The following DHRSX variants were observed in gnomAD, a reference collection of about 807,000 sequenced individuals.
DHRSX encodes dehydrogenase/reductase X-linked, also known as polyprenol dehydrogenase.
DHRSX carries 31 observed loss-of-function variants against 34.0 expected under a neutral mutation model. The observed-to-expected ratio is 0.91, with a 90% CI of 0.69 to 1.23. The LOEUF (loss-of-function observed/expected upper bound fraction) is 1.23. DHRSX is among the 50% of genes most tolerant of loss of function. DHRSX has a pLI of 0.00. For missense variants in DHRSX, 414 were observed against 428.1 expected (o/e 0.97, Z 0.29); for synonymous variants, 201 against 183.8 (o/e 1.09, Z -0.76).
chrX:2,232,550 T>C (rs947866956), intron 6 of DHRSX, among the ~76,000 whole-genome samples: 16 of 152,062 alleles, frequency 1.1e-4, no homozygotes, highest in Admixed American at 3.3e-4. Context: ...TCAGTGGATC[T>C]TAGGAGGCCC....
chrX:2,481,390 T>G lies in DHRSX; in HGVS notation c.109+19427A>C, dbSNP rs1275873124. Among the ~76,000 whole-genome samples, 634 of 151,788 alleles carry G rather than the reference T, an allele frequency of 4.2e-3. 4 individuals carry two copies. The highest frequency in any genetic ancestry group is 0.014 in the African/African-American group (571 of 41,172). The stretch of plus-strand genomic sequence containing the variant: ...TCAAGGTGTATCCACACTGGGCTGG[T>G]CGCGGTGGCTCACGCCTGTCATCCC... On this transcript the variant is annotated intron_variant, in intron 1 of 6. Coordinates refer to ENST00000334651, the MANE Select transcript of DHRSX (RefSeq NM_145177.3).
chrX:2,485,979 G>A (rs2044916388), intron 1 of DHRSX, among the ~76,000 whole-genome samples: 1 of 151,696 alleles, frequency 6.6e-6, no homozygotes, highest in African/African-American at 2.4e-5. Context: ...TTGGACGGAA[G>A]GAGGAGGGAA....
chrX:2,476,793 C>A (rs1448322445), intron 1 of DHRSX, among the ~76,000 whole-genome samples: 3 of 152,090 alleles, frequency 2.0e-5, no homozygotes, highest in African/African-American at 7.2e-5. Context: ...TACCTGAGGT[C>A]GGGAGTTCAA....
intron 3 of DHRSX, among the ~76,000 whole-genome samples, chrX:2,366,182 C>T (rs183810028): frequency 0.023 from 3,507 of 152,176 alleles, 141 homozygotes; most frequent in African/African-American, 0.079. Flanking sequence ...TGGCACACAC[C>T]TTTAATCCCA....
At chrX:2,344,499 G>A (rs1290503354) in intron 3 of DHRSX, among the ~76,000 whole-genome samples, 3 of 152,046 alleles carry the variant, frequency 2.0e-5, no homozygotes, top group Non-Finnish European at 4.4e-5. Context: ...TAAAGAAAAT[G>A]TGGTACACAG....
chrX:2,472,368 T>C (rs2044606421), intron 1 of DHRSX, among the ~76,000 whole-genome samples: 1 of 152,066 alleles, frequency 6.6e-6, no homozygotes, highest in African/African-American at 2.4e-5. Context: ...AAAAACTACC[T>C]ATCAGATGGT....
intron 6 of DHRSX, among the ~76,000 whole-genome samples, chrX:2,226,366 C>A (rs1198372725): frequency 6.6e-6 from 1 of 152,104 alleles, no homozygotes; most frequent in Non-Finnish European, 1.5e-5. Context: ...ATTCAGTCTG[C>A]CCCACAGCTC....
chrX:2,376,592 G>A lies in DHRSX; in HGVS notation c.286+32153C>T, dbSNP rs2043142731. 1.5e-5 allele frequency among the ~76,000 whole-genome samples: 2 copies of A among 137,298 alleles called. 1 individual carries two copies. Among genetic ancestry groups the A allele is most frequent in the African/African-American group, 4.9e-5 (2 of 40,520 alleles). The allele number at this position is 137,298 out of a possible 152,430, so 90.1% of individuals were successfully genotyped here. ...ATATCAGATCTTTGCATACAATTAGGTTGCACTAGAGTAGTGTCATTGCAT... is the reference window on the plus strand; with the variant it reads ...ATATCAGATCTTTGCATACAATTAGATTGCACTAGAGTAGTGTCATTGCAT... On this transcript the variant is annotated intron_variant, in intron 3 of 6. Transcript: ENST00000334651.
In DHRSX at chrX:2,243,101, C is replaced by T. The variant is rs775456958; in HGVS notation, c.726G>A (p.Val242=). 6 of 1,613,764 alleles carry T rather than the reference C, an allele frequency of 3.7e-6. No individual in the cohort carries two copies. In the Admixed American group the frequency reaches 8.3e-5, roughly 22 times the overall value. The part of the protein sequence containing the change: ...HVTANVVDPG[V]VNTDVYKHVF... ...CGTGCTTGTAGACGTCCGTGTTGACCACCCCGGGGTCCACCACGTTGGCGG... is the reference window on the plus strand; with the variant it reads ...CGTGCTTGTAGACGTCCGTGTTGACTACCCCGGGGTCCACCACGTTGGCGG... The change falls in exon 6 of 7, where the codon GTG becomes GTA. Residue 242 remains valine, a synonymous_variant. Transcript: ENST00000334651.
At chrX:2,346,562 A>C (rs67152939) in intron 3 of DHRSX, among the ~76,000 whole-genome samples, 45,436 of 151,518 alleles carry the variant, frequency 0.3, 7,595 homozygotes, top group Middle Eastern at 0.4. Context: ...GCTTCTTCTC[A>C]CAGCAAATCT....
chrX:2,264,953 C>G (rs1480609534), intron 5 of DHRSX, among the ~76,000 whole-genome samples: 1 of 125,934 alleles, frequency 7.9e-6, no homozygotes, highest in African/African-American at 3.5e-5. Context: ...CCAGGGAGCA[C>G]CGTAGCCAGA....
At chrX:2,298,601 T>TACACACACACACACACACACACGCAC (rs2041964173) in intron 3 of DHRSX, among the ~76,000 whole-genome samples, 1 of 131,758 alleles carries the variant, frequency 7.6e-6, no homozygotes, top group African/African-American at 4.1e-5. Context: ...GGCGCGTGTG[T>TACACACACACACACACACACACGCAC]ACACACACAC....
In DHRSX at chrX:2,270,893, A is replaced by ATAAAATGGACCAATCAGCACTCTG. The variant is rs1199518102; in HGVS notation, c.389-3970_389-3947dup. On this transcript the variant is annotated intron_variant, in intron 4 of 6. Coordinates refer to ENST00000334651, the MANE Select transcript of DHRSX (RefSeq NM_145177.3). ...TGTAAAATGGACCAATCAATGCTCT[A>ATAAAATGGACCAATCAGCACTCTG]TAAAATGGACCAATCAGCACTCTGT... 6.0e-3 allele frequency among the ~76,000 whole-genome samples: 673 copies of ATAAAATGGACCAATCAGCACTCTG among 112,838 alleles called. 120 individuals carry two copies. The highest frequency in any genetic ancestry group is 0.019 in the African/African-American group (631 of 32,750). 74.0% of individuals were successfully genotyped at this position (112,838 alleles called of 152,430 possible). A position where few individuals can be genotyped will look rare whatever the true frequency, so the allele number is the denominator to read the frequency against.
chrX:2,314,370 G>GGGAAGGAAGGA (rs2042207900), intron 3 of DHRSX, among the ~76,000 whole-genome samples: 1 of 16,116 alleles, frequency 6.2e-5, no homozygotes, highest in African/African-American at 3.7e-4. Context: ...AGAAGGGAGA[G>GGGAAGGAAGGA]AGGGAAAGGA....
intron 1 of DHRSX, among the ~76,000 whole-genome samples, chrX:2,492,202 T>C (rs1194698986): frequency 5.9e-5 from 9 of 152,184 alleles, no homozygotes; most frequent in African/African-American, 1.7e-4. Flanking sequence ...TCTTTGCAGA[T>C]GTATTAATAA....
At chrX:2,303,849 A>G (rs1414764212) in intron 3 of DHRSX, among the ~76,000 whole-genome samples, 2 of 34,532 alleles carry the variant, frequency 5.8e-5, no homozygotes, top group Admixed American at 7.4e-4. Context: ...GGATGGATGG[A>G]TGGGTGGATG....
chrX:2,270,086 C>A (rs1349622571), intron 4 of DHRSX, among the ~76,000 whole-genome samples: 2 of 151,998 alleles, frequency 1.3e-5, no homozygotes, highest in African/African-American at 2.4e-5. Context: ...GAGGTACATG[C>A]ATTTGTATAT....
At chrX:2,376,143 G>A (rs764131281) in intron 3 of DHRSX, among the ~76,000 whole-genome samples, 4 of 137,704 alleles carry the variant, frequency 2.9e-5, no homozygotes, top group East Asian at 4.0e-4. Flanking sequence ...AGGAGGAAAC[G>A]CAGAATTTGG....
intron 6 of DHRSX, among the ~76,000 whole-genome samples, chrX:2,240,818 T>C (rs1180119496): frequency 6.6e-6 from 1 of 152,180 alleles, no homozygotes; most frequent in Non-Finnish European, 1.5e-5. Flanking sequence ...ATTAAAACTT[T>C]AGTATCCCGA....
Sources: gnomAD v4.1 joint callset for allele counts (sites outside exome capture counted in the v4.1 genomes callset) on GRCh38, gnomAD v4.1.1 for gene constraint, MANE v1.5 for transcripts, NCBI Gene and HGNC (gene_info 2026-07-23, HGNC 2026-07-21) for gene names.